Variants in HS6ST2 observed in about 807,000 individuals in gnomAD.
HS6ST2 encodes the protein heparan-sulfate 6-O-sulfotransferase 2.
A neutral mutation model predicts 33.0 loss-of-function variants in HS6ST2; 17 were observed. The ratio of observed to expected loss-of-function variants is 0.52; its 90% confidence interval spans 0.35 to 0.77. The LOEUF (loss-of-function observed/expected upper bound fraction) is 0.77. Ranked by LOEUF, HS6ST2 falls within the 30% of genes least tolerant of loss-of-function variation. HS6ST2 has a pLI of 0.01. For synonymous variants in HS6ST2, 248 were observed against 237.1 expected (o/e 1.05, Z -0.42); for missense variants, 519 against 551.7 (o/e 0.94, Z 0.59).
intron 2 of HS6ST2, among the ~76,000 whole-genome samples, chrX:132,949,481 A>T (rs2066988418): frequency 9.0e-6 from 1 of 110,537 alleles, no homozygotes; most frequent in Admixed American, 9.8e-5. Flanking sequence ...GAATATGATA[A>T]AAGTCAGTTA....
At chrX:132,949,493 C>T (rs2066988737) in intron 2 of HS6ST2, among the ~76,000 whole-genome samples, 1 of 110,149 alleles carries the variant, frequency 9.1e-6, no homozygotes, top group Non-Finnish European at 1.9e-5. Flanking sequence ...AGTCAGTTAT[C>T]GAAAATCAGC....
At chrX:132,762,633 A>G (rs2148311384) in intron 2 of HS6ST2, among the ~76,000 whole-genome samples, 1 of 111,567 alleles carries the variant, frequency 9.0e-6, no homozygotes, top group East Asian at 2.8e-4. Flanking sequence ...AGGGACAAGA[A>G]TGGCAGAGAC....
intron 3 of HS6ST2, among the ~76,000 whole-genome samples, chrX:132,692,410 G>A (rs144257160): frequency 0.011 from 1,186 of 111,146 alleles, 8 homozygotes; most frequent in Non-Finnish European, 0.016. Context: ...TTGCTCCACA[G>A]TTAAGCTACT....
At chrX:132,642,847 A>T (rs767625922) in intron 4 of HS6ST2, among the ~76,000 whole-genome samples, 1 of 112,565 alleles carries the variant, frequency 8.9e-6, no homozygotes, top group Non-Finnish European at 1.9e-5. Context: ...CAAGCGTTCT[A>T]TAAGTTTCGT....
rs1321390420 is a variant in HS6ST2 at position 132,839,305 on chromosome X, TATATATATATAC to T, written c.947+117491_947+117502del. ...ATATATATATATATATATATATATA[TATATATATATAC>T]ACACACATGTATGTATATACACACA... On this transcript the variant is annotated intron_variant, in intron 2 of 4. Coordinates refer to ENST00000370833, the MANE Select transcript of HS6ST2 (RefSeq NM_001394073.1). Among the ~76,000 whole-genome samples, 221 of 26,434 alleles carry T rather than the reference TATATATATATAC, an allele frequency of 8.4e-3. 3 individuals carry two copies. The highest frequency in any genetic ancestry group is 0.04 in the African/African-American group (144 of 3,605). The allele number at this position is 26,434 out of a possible 115,157, so 23.0% of individuals were successfully genotyped here. A position where few individuals can be genotyped will look rare whatever the true frequency, so the allele number is the denominator to read the frequency against.
At chrX:132,948,423 G>T (rs1487258911) in intron 2 of HS6ST2, among the ~76,000 whole-genome samples, 2 of 112,174 alleles carry the variant, frequency 1.8e-5, no homozygotes, top group Admixed American at 1.9e-4. Context: ...TTATAAATAT[G>T]GAATTTATGC....
intron 2 of HS6ST2, among the ~76,000 whole-genome samples, chrX:132,833,191 C>T (rs942456040): frequency 9.0e-6 from 1 of 111,503 alleles, no homozygotes; most frequent in African/African-American, 3.3e-5. Context: ...TATTTAACTA[C>T]CTGTTTCTGG....
rs1188187991 is a variant in HS6ST2, at chrX:132,875,368, G to A, written c.947+81440C>T. 2.7e-5 allele frequency among the ~76,000 whole-genome samples: 3 copies of A among 111,662 alleles called. No homozygotes were observed. In the East Asian group the frequency reaches 8.5e-4, roughly 32 times the overall value. ...TAAGTGGTTTGAGGATCCTTGGTTA[G>A]AGTTCACGTCTCTGGAGATGGAGCT... On this transcript the variant is annotated intron_variant, in intron 2 of 4. Transcript: ENST00000370833.
chrX:132,855,552 T>C (rs1381126620), intron 2 of HS6ST2, among the ~76,000 whole-genome samples: 1 of 112,175 alleles, frequency 8.9e-6, no homozygotes, highest in African/African-American at 3.2e-5. Flanking sequence ...AACACATTGC[T>C]ATATCAACAC....
chrX:132,763,465 C>T (rs945044451), intron 2 of HS6ST2, among the ~76,000 whole-genome samples: 4 of 112,065 alleles, frequency 3.6e-5, no homozygotes, highest in African/African-American at 6.5e-5. Context: ...GCTAGCACAC[C>T]GTGGTACGGA....
chrX:132,707,145 T>C (rs763067449), intron 3 of HS6ST2, among the ~76,000 whole-genome samples: 8 of 112,417 alleles, frequency 7.1e-5, no homozygotes, highest in Admixed American at 9.4e-5. Context: ...ATAGGGATAG[T>C]GGTACCTATG....
At chrX:132,944,935 T>C (rs1201877422) in intron 2 of HS6ST2, among the ~76,000 whole-genome samples, 6 of 111,829 alleles carry the variant, frequency 5.4e-5, no homozygotes, top group Non-Finnish European at 1.1e-4. Flanking sequence ...ATTCAGGACA[T>C]AGGCATGGGC....
rs2066448161 is a variant in HS6ST2 at position 132,903,936 on chromosome X, T to A, written c.947+52872A>T. 2.7e-5 allele frequency among the ~76,000 whole-genome samples: 3 copies of A among 112,123 alleles called. No individual in the cohort carries two copies. In the South Asian group the frequency reaches 1.1e-3, roughly 42 times the overall value. ...TCATAGCATACATACAATGTTCTCA[T>A]CCATATGTACAAATTAAAGACTGCA... On this transcript the variant is annotated intron_variant, in intron 2 of 4. Coordinates refer to ENST00000370833, the MANE Select transcript of HS6ST2 (RefSeq NM_001394073.1).
At chrX:132,812,190 A>C (rs2065352854) in intron 2 of HS6ST2, among the ~76,000 whole-genome samples, 1 of 109,278 alleles carries the variant, frequency 9.2e-6, no homozygotes, top group South Asian at 4.0e-4. Context: ...GCAGATCACG[A>C]GGTCAGGAGT....
intron 2 of HS6ST2, among the ~76,000 whole-genome samples, chrX:132,954,635 T>C (rs2067048321): frequency 8.9e-6 from 1 of 112,002 alleles, no homozygotes; most frequent in African/African-American, 3.2e-5. Flanking sequence ...TGGGCAGGAA[T>C]GAATGAAATA....
chrX:132,797,824 C>T (rs1034741710), intron 2 of HS6ST2, among the ~76,000 whole-genome samples: 1 of 108,936 alleles, frequency 9.2e-6, no homozygotes, highest in African/African-American at 3.3e-5. Context: ...CCAGCCTGGC[C>T]AACATGGTGA....
chrX:132,648,343 T>A (rs2063662887), intron 4 of HS6ST2, among the ~76,000 whole-genome samples: 1 of 111,277 alleles, frequency 9.0e-6, no homozygotes, highest in Admixed American at 9.6e-5. Context: ...GAGGACCAAG[T>A]GAAAAGTGCT....
intron 2 of HS6ST2, among the ~76,000 whole-genome samples, chrX:132,742,140 C>T (rs1044763244): frequency 1.8e-5 from 2 of 111,818 alleles, no homozygotes; most frequent in African/African-American, 3.3e-5. Context: ...GTGTGTGGAA[C>T]CAGGCAGGTC....
chrX:132,732,853 G>T (rs566850509), intron 2 of HS6ST2, among the ~76,000 whole-genome samples: 1 of 111,727 alleles, frequency 9.0e-6, no homozygotes, highest in South Asian at 3.8e-4. Flanking sequence ...CATTGGGAGG[G>T]CTTTGAACTA....
Sources: allele counts gnomAD v4.1 joint callset (sites outside exome capture counted in the v4.1 genomes callset), GRCh38; gene constraint gnomAD v4.1.1; transcripts MANE v1.5; gene names NCBI Gene and HGNC (gene_info 2026-07-23, HGNC 2026-07-21).